The following CDH4 variants were observed in gnomAD, a reference collection of about 807,000 sequenced individuals.
CDH4 encodes cadherin-4.
In CDH4, 33 loss-of-function variants were observed where a neutral mutation model predicts 86.0. The observed-to-expected ratio is 0.38, with a 90% confidence interval of 0.29 to 0.51. The LOEUF (loss-of-function observed/expected upper bound fraction) is 0.51, where lower values mean the gene tolerates loss of function less well. Among genes scored for constraint, CDH4 ranks in the 20% least tolerant of loss-of-function variants. The pLI, the probability that CDH4 is intolerant of heterozygous loss-of-function variation, is 0.86. For missense variants in CDH4, 1,114 were observed against 1,307.4 expected (o/e 0.85, Z 2.28); for synonymous variants, 555 against 549.4 (o/e 1.01, Z -0.14).
chr20:61,672,290 G>C (rs2087399108), intron 2 of CDH4, among the ~76,000 whole-genome samples: 1 of 152,150 alleles, frequency 6.6e-6, no homozygotes, highest in Non-Finnish European at 1.5e-5. Flanking sequence ...CGGGTGAGTG[G>C]ATGGATGGGT....
At chr20:61,748,622 T>A (rs1428418698) in intron 3 of CDH4, among the ~76,000 whole-genome samples, 1 of 152,182 alleles carries the variant, frequency 6.6e-6, no homozygotes, top group Non-Finnish European at 1.5e-5. Flanking sequence ...AGTGTAATGT[T>A]TCATGGGTGT....
At chr20:61,513,283 G>A (rs1025586130) in intron 2 of CDH4, among the ~76,000 whole-genome samples, 2 of 152,210 alleles carry the variant, frequency 1.3e-5, no homozygotes, top group Non-Finnish European at 2.9e-5. Flanking sequence ...AGGCTGCTGG[G>A]CGCAGGGTGG....
intron 2 of CDH4, among the ~76,000 whole-genome samples, chr20:61,502,992 A>G (rs1046307974): frequency 6.6e-6 from 1 of 152,200 alleles, no homozygotes; most frequent in African/African-American, 2.4e-5. Flanking sequence ...TTATGCCTAA[A>G]TGAATATTCT....
At chr20:61,455,318 G>C (rs1051310396) in intron 2 of CDH4, among the ~76,000 whole-genome samples, 1 of 152,192 alleles carries the variant, frequency 6.6e-6, no homozygotes, top group South Asian at 2.1e-4. Flanking sequence ...TGAAACCTCT[G>C]TGAGGGTGAC....
At chr20:61,598,912 G>A (rs959398583) in intron 2 of CDH4, among the ~76,000 whole-genome samples, 4 of 152,234 alleles carry the variant, frequency 2.6e-5, no homozygotes, top group Non-Finnish European at 5.9e-5. Context: ...CAGCCTGGGC[G>A]TCTCTGCGGT....
At chr20:61,424,258 A>G (rs1267093021) in intron 2 of CDH4, among the ~76,000 whole-genome samples, 1 of 142,756 alleles carries the variant, frequency 7.0e-6, no homozygotes, top group Non-Finnish European at 1.6e-5. Context: ...ACACACATAT[A>G]TCCACACACA....
At chr20:61,485,319 ATTGT>A (rs1282850858) in intron 2 of CDH4, among the ~76,000 whole-genome samples, 2 of 152,096 alleles carry the variant, frequency 1.3e-5, no homozygotes, top group African/African-American at 2.4e-5. Context: ...TGGGGTGGCT[ATTGT>A]GGATCACAGC....
chr20:61,604,295 CCCTGGCGGCAGCCGCAGCG>C (rs2086625724), intron 2 of CDH4, among the ~76,000 whole-genome samples: 2 of 152,224 alleles, frequency 1.3e-5, no homozygotes, highest in African/African-American at 4.8e-5. Flanking sequence ...ATAGTATCTG[CCCTGGCGGCAGCCGCAGCG>C]CCTGTCTTTG....
At chr20:61,391,799 C>G (rs1236925448) in intron 2 of CDH4, among the ~76,000 whole-genome samples, 1 of 152,170 alleles carries the variant, frequency 6.6e-6, no homozygotes, top group African/African-American at 2.4e-5. Flanking sequence ...TAATTACCTG[C>G]CCTGCATCCA....
In CDH4 at chr20:61,759,061, C is replaced by T. The variant is rs565856446; in HGVS notation, c.397-13942C>T. Among the ~76,000 whole-genome samples, 7 of 152,260 alleles carry T rather than the reference C, an allele frequency of 4.6e-5. No individual in the cohort carries two copies. In the South Asian group the frequency reaches 6.2e-4, roughly 14 times the overall value. On this transcript the variant is annotated intron_variant, in intron 3 of 15. Transcript: ENST00000614565. The stretch of plus-strand genomic sequence containing the variant: ...CGTTCGCACATGGGATGTGTGTGCA[C>T]GCATGTGCATATTTGTGCATGCATG...
At chr20:61,342,440 G>A (rs147262974) in intron 2 of CDH4, among the ~76,000 whole-genome samples, 1,724 of 152,312 alleles carry the variant, frequency 0.011, 37 homozygotes, top group African/African-American at 0.039. Flanking sequence ...CTCATAAGGA[G>A]TGTGCAACCT....
intron 2 of CDH4, among the ~76,000 whole-genome samples, chr20:61,412,901 T>A (rs991978657): frequency 6.6e-6 from 1 of 151,298 alleles, no homozygotes; most frequent in African/African-American, 2.4e-5. Context: ...ACGGGAAGAG[T>A]GTTTCTCCAG....
chr20:61,371,769 C>T (rs569213192), intron 2 of CDH4, among the ~76,000 whole-genome samples: 3 of 152,370 alleles, frequency 2.0e-5, no homozygotes, highest in African/African-American at 7.2e-5. Context: ...GCATGGAAGG[C>T]GAAGGCTCGA....
intron 7 of CDH4, among the ~76,000 whole-genome samples, chr20:61,875,449 G>A (rs969898915): frequency 3.3e-5 from 5 of 152,194 alleles, no homozygotes; most frequent in East Asian, 1.9e-4. Flanking sequence ...AGCCCCAGCC[G>A]TGGCACCTTT....
intron 6 of CDH4, among the ~76,000 whole-genome samples, chr20:61,865,201 C>G (rs922506570): frequency 6.6e-6 from 1 of 152,150 alleles, no homozygotes; most frequent in African/African-American, 2.4e-5. Context: ...GACTTCCTGG[C>G]TAGTTAATGT....
chr20:61,476,356 C>T (rs1330264109), intron 2 of CDH4, among the ~76,000 whole-genome samples: 1 of 152,226 alleles, frequency 6.6e-6, no homozygotes, highest in African/African-American at 2.4e-5. Flanking sequence ...CTGCCAGACT[C>T]ATCTAGAAGT....
intron 3 of CDH4, among the ~76,000 whole-genome samples, chr20:61,761,435 C>T (rs116437105): frequency 1.8e-3 from 271 of 152,314 alleles, no homozygotes; most frequent in African/African-American, 6.2e-3. Flanking sequence ...TTCATTTCCA[C>T]GGCAGACTCC....
chr20:61,915,338 C>T (rs2054892708), intron 9 of CDH4, among the ~76,000 whole-genome samples: 1 of 152,216 alleles, frequency 6.6e-6, no homozygotes, highest in South Asian at 2.1e-4. Context: ...AGAAACCAGT[C>T]CTCTTCCAGG....
intron 2 of CDH4, among the ~76,000 whole-genome samples, chr20:61,324,924 A>G (rs1017753137): frequency 3.3e-5 from 5 of 152,100 alleles, no homozygotes; most frequent in African/African-American, 1.2e-4. Flanking sequence ...TGCAAGAACA[A>G]TTTCCGAGAC....
Sources: allele counts gnomAD v4.1 joint callset (sites outside exome capture counted in the v4.1 genomes callset), GRCh38; gene constraint gnomAD v4.1.1; transcripts MANE v1.5; gene names NCBI Gene and HGNC (gene_info 2026-07-23, HGNC 2026-07-21).